Variants in KHDRBS2 observed in about 807,000 individuals in gnomAD.
The protein encoded by KHDRBS2 is KH RNA binding domain containing, signal transduction associated 2.
KHDRBS2 carries 26 observed loss-of-function variants against 44.3 expected under a neutral mutation model. The ratio of observed to expected loss-of-function variants is 0.59; its 90% CI spans 0.43 to 0.81. The LOEUF is 0.81. Among genes scored for constraint, KHDRBS2 ranks in the 40% least tolerant of loss-of-function variants. The pLI is 0.00. For synonymous variants in KHDRBS2, 194 were observed against 151.1 expected (o/e 1.28, Z -2.08); for missense variants, 476 against 433.1 (o/e 1.10, Z -0.88).
At chr6:61,912,199 G>C (rs1395751835) in intron 4 of KHDRBS2, among the ~76,000 whole-genome samples, 5 of 152,056 alleles carry the variant, frequency 3.3e-5, no homozygotes, top group Admixed American at 6.6e-5. Context: ...CTTGTAAAAT[G>C]TAATACAGTA....
chr6:61,805,005 T>C (rs1786910970), intron 6 of KHDRBS2, among the ~76,000 whole-genome samples: 1 of 152,198 alleles, frequency 6.6e-6, no homozygotes, highest in Non-Finnish European at 1.5e-5. Context: ...GGATTTTTCT[T>C]TTCTATTGCA....
intron 8 of KHDRBS2, among the ~76,000 whole-genome samples, chr6:61,691,894 C>A (rs1463056823): frequency 3.9e-5 from 6 of 152,084 alleles, no homozygotes; most frequent in Admixed American, 3.3e-4. Flanking sequence ...CACAAAATTT[C>A]TTTTTGCTTT....
At chr6:61,762,055 C>G (rs1027225569) in intron 6 of KHDRBS2, among the ~76,000 whole-genome samples, 5 of 151,988 alleles carry the variant, frequency 3.3e-5, no homozygotes, top group African/African-American at 1.2e-4. Context: ...GATACTAATA[C>G]AAAATGATTT....
chr6:62,162,616 G>A (rs1273598872), intron 2 of KHDRBS2, among the ~76,000 whole-genome samples: 1 of 152,066 alleles, frequency 6.6e-6, no homozygotes, highest in Non-Finnish European at 1.5e-5. Context: ...CCTGGAATTT[G>A]CAATACTTCA....
At chr6:61,555,693 G>T in the KHDRBS2 span, among the ~76,000 whole-genome samples, 1 of 152,174 alleles carries the variant, frequency 6.6e-6, no homozygotes, top group Non-Finnish European at 1.5e-5. Context: ...TGTTTCGCTT[G>T]CTTGTATCTT....
chr6:62,194,670 C>CTAACTTTTG (rs1257339598), intron 1 of KHDRBS2, among the ~76,000 whole-genome samples: 63 of 151,200 alleles, frequency 4.2e-4, no homozygotes, highest in Admixed American at 3.0e-3. Context: ...CCACACCCAG[C>CTAACTTTTG]TAACTTTTGT....
At chr6:62,077,951 G>T (rs1796659345) in intron 2 of KHDRBS2, among the ~76,000 whole-genome samples, 1 of 152,026 alleles carries the variant, frequency 6.6e-6, no homozygotes, top group Non-Finnish European at 1.5e-5. Context: ...TACAATGTTT[G>T]TCTTTCTAAG....
chr6:61,871,895 A>G (rs1798708861), intron 6 of KHDRBS2, among the ~76,000 whole-genome samples: 1 of 143,006 alleles, frequency 7.0e-6, no homozygotes, highest in South Asian at 2.4e-4. Flanking sequence ...CTGAATCGTG[A>G]GTACACATGG....
At chr6:61,604,564 C>T in the KHDRBS2 span, among the ~76,000 whole-genome samples, 15 of 152,326 alleles carry the variant, frequency 9.8e-5, no homozygotes, top group Middle Eastern at 3.4e-3. Flanking sequence ...AGCCGCTAGC[C>T]TGTCTCTTAG....
chr6:61,882,439 T>G (rs1350474878), intron 6 of KHDRBS2, among the ~76,000 whole-genome samples: 1 of 152,032 alleles, frequency 6.6e-6, no homozygotes, highest in African/African-American at 2.4e-5. Context: ...TCCATTTGGT[T>G]TCTAAGCAAT....
intron 1 of KHDRBS2, among the ~76,000 whole-genome samples, chr6:62,216,400 C>A (rs1015756572): frequency 6.6e-6 from 1 of 151,802 alleles, no homozygotes; most frequent in African/African-American, 2.4e-5. Context: ...CAGAGCATAT[C>A]TAATATGTTT....
intron 6 of KHDRBS2, among the ~76,000 whole-genome samples, chr6:61,894,242 C>A (rs1739802268): frequency 6.6e-6 from 1 of 151,946 alleles, no homozygotes; most frequent in South Asian, 2.1e-4. Flanking sequence ...TACAATACTC[C>A]CAAAGTTTAT....
intron 6 of KHDRBS2, among the ~76,000 whole-genome samples, chr6:61,891,149 G>A (rs909982541): frequency 2.6e-5 from 4 of 152,244 alleles, no homozygotes; most frequent in South Asian, 2.1e-4. Context: ...ACATTGAAGA[G>A]GACAGCATGT....
At chr6:61,866,271 A>C (rs1797778423) in intron 6 of KHDRBS2, among the ~76,000 whole-genome samples, 1 of 152,198 alleles carries the variant, frequency 6.6e-6, no homozygotes, top group South Asian at 2.1e-4. Context: ...ATCTAGGTGG[A>C]GGCTCCCAAG....
At chr6:62,148,992 T>G (rs1814522364) in intron 2 of KHDRBS2, among the ~76,000 whole-genome samples, 3 of 152,156 alleles carry the variant, frequency 2.0e-5, no homozygotes, top group Admixed American at 6.5e-5. Flanking sequence ...TTTTAAAAAT[T>G]TATCCCTCTT....
At chr6:62,140,586 A>C (rs536395975) in intron 2 of KHDRBS2, among the ~76,000 whole-genome samples, 1 of 152,310 alleles carries the variant, frequency 6.6e-6, no homozygotes, top group South Asian at 2.1e-4. Flanking sequence ...ATGTACATAT[A>C]ATTGTCTATG....
At chr6:61,702,423 C>A (rs1768836125) in intron 7 of KHDRBS2, among the ~76,000 whole-genome samples, 1 of 151,894 alleles carries the variant, frequency 6.6e-6, no homozygotes, top group Non-Finnish European at 1.5e-5. Context: ...GAGAGATAAA[C>A]TTTTCTCTTG....
intron 3 of KHDRBS2, among the ~76,000 whole-genome samples, chr6:61,989,687 T>G (rs1775760134): frequency 6.6e-6 from 1 of 152,200 alleles, no homozygotes; most frequent in African/African-American, 2.4e-5. Flanking sequence ...GAGGAGAGTT[T>G]TTCTGGGTTG....
chr6:61,882,556 A>G (rs1327484216), intron 6 of KHDRBS2, among the ~76,000 whole-genome samples: 2 of 152,046 alleles, frequency 1.3e-5, no homozygotes, highest in Admixed American at 6.6e-5. Context: ...ATGGTTTCAT[A>G]TAAAGGAAAA....
Sources: allele counts gnomAD v4.1 joint callset (sites outside exome capture counted in the v4.1 genomes callset), GRCh38; gene constraint gnomAD v4.1.1; transcripts MANE v1.5; gene names NCBI Gene and HGNC (gene_info 2026-07-23, HGNC 2026-07-21).